The following ZGRF1 variants were observed in gnomAD, a reference collection of about 807,000 sequenced individuals.
ZGRF1 encodes the protein zinc finger GRF-type containing 1, also known as 5'-3' DNA helicase ZGRF1.
ZGRF1 carries 196 observed loss-of-function variants against 203.5 expected under a neutral mutation model. The ratio of observed to expected loss-of-function variants is 0.96; its 90% CI spans 0.86 to 1.08. The LOEUF (loss-of-function observed/expected upper bound fraction) is 1.08, where lower values mean the gene tolerates loss of function less well. ZGRF1 is among the 50% of genes least tolerant of loss of function. The probability of loss-of-function intolerance (pLI) is 0.00; values close to 1 mark genes in which losing one functional copy is unlikely to be tolerated. For synonymous variants in ZGRF1, 809 were observed against 841.3 expected (o/e 0.96, Z 0.66); for missense variants, 2,326 against 2,416.3 (o/e 0.96, Z 0.78).
At chr4:112,594,272 T>C (rs185498841) in intron 10 of ZGRF1, among the ~76,000 whole-genome samples, 5 of 152,320 alleles carry the variant, frequency 3.3e-5, no homozygotes, top group African/African-American at 1.2e-4. Flanking sequence ...ATAGGTACTT[T>C]TGAATTCTTA....
At chr4:112,549,985 G>T (rs981108301) in intron 22 of ZGRF1, among the ~76,000 whole-genome samples, 3 of 152,108 alleles carry the variant, frequency 2.0e-5, no homozygotes, top group African/African-American at 7.2e-5. Context: ...GAGGTCAGGA[G>T]ATCGAGACCA....
intron 19 of ZGRF1, among the ~76,000 whole-genome samples, chr4:112,559,339 C>T (rs533281993): frequency 3.3e-5 from 5 of 152,166 alleles, no homozygotes. Flanking sequence ...GCTGGGACTA[C>T]AGGTGCATGC....
At chr4:112,589,343 G>T (rs1251034697) in intron 11 of ZGRF1, among the ~76,000 whole-genome samples, 1 of 152,090 alleles carries the variant, frequency 6.6e-6, no homozygotes, top group Non-Finnish European at 1.5e-5. Flanking sequence ...GACACTAAAA[G>T]GTTATGCTAA....
chr4:112,560,264 T>C (rs1251058422), intron 19 of ZGRF1, among the ~76,000 whole-genome samples: 1 of 152,074 alleles, frequency 6.6e-6, no homozygotes, highest in African/African-American at 2.4e-5. Flanking sequence ...ATTAGGTAAA[T>C]TGGAGAAGGA....
At chr4:112,592,096 CTTT>C (rs961223953) in intron 10 of ZGRF1, among the ~76,000 whole-genome samples, 1 of 128,556 alleles carries the variant, frequency 7.8e-6, no homozygotes, top group Non-Finnish European at 1.7e-5. Context: ...CTCATTCATT[CTTT>C]TTTTTTTTTT....
chr4:112,603,476 A>C, intron 10 of ZGRF1, 48 bp downstream of exon 10: 1 of 1,359,926 alleles, frequency 7.4e-7, no homozygotes. Context: ...TGTAGTATTA[A>C]CATAAAGAAA....
rs2047424872 is a variant in ZGRF1, at chr4:112,631,930, T to C, written c.102A>G (p.Lys34=). The change falls in exon 3 of 28, where the codon AAA becomes AAG. Residue 34 remains lysine, a splice_region_variant and synonymous_variant. Coordinates refer to ENST00000505019, the MANE Select transcript of ZGRF1 (RefSeq NM_018392.5). ...CTATAGTCAACTGCTTTGTACTCAC[T>C]TTGTTTCCTAAGTGAGTGATCTTCA... ...GILKITHLGN[K]AILYDDKGAC... is the part of the protein sequence containing the mutation. 3 of 1,579,058 alleles carry C rather than the reference T, an allele frequency of 1.9e-6. No homozygotes were observed. The highest frequency in any genetic ancestry group is 1.7e-4 in the Middle Eastern group (1 of 5,938).
intron 22 of ZGRF1, among the ~76,000 whole-genome samples, chr4:112,550,443 A>T (rs1739732414): frequency 6.6e-6 from 1 of 152,202 alleles, no homozygotes; most frequent in Non-Finnish European, 1.5e-5. Context: ...AACAGTTTTT[A>T]AAAATTTTCA....
intron 24 of ZGRF1, among the ~76,000 whole-genome samples, chr4:112,546,252 G>A (rs1738748477): frequency 6.6e-6 from 1 of 152,028 alleles, no homozygotes; most frequent in Non-Finnish European, 1.5e-5. Flanking sequence ...AAGCTATAGG[G>A]AAGAGGAAAT....
At chr4:112,555,076 T>C (rs3736215) in intron 20 of ZGRF1, among the ~76,000 whole-genome samples, 59,456 of 151,960 alleles carry the variant, frequency 0.39, 11,857 homozygotes, top group South Asian at 0.49. Context: ...AGACATAATA[T>C]AGAAAGCAAT....
At chr4:112,590,322 T>C (rs1747938230) in intron 10 of ZGRF1, among the ~76,000 whole-genome samples, 1 of 152,184 alleles carries the variant, frequency 6.6e-6, no homozygotes, top group African/African-American at 2.4e-5. Flanking sequence ...TGAAGTGAAC[T>C]TGTTAAATAC....
chr4:112,579,290 C>A lies in ZGRF1; in HGVS notation c.4438+2373G>T, dbSNP rs1313516854. Among the ~76,000 whole-genome samples the A allele has an allele frequency of 4.9e-5, 6 of 122,576 alleles. 2 individuals carry two copies. Among genetic ancestry groups the A allele is most frequent in the Non-Finnish European group, 1.1e-4 (6 of 54,894 alleles). 80.4% of individuals were successfully genotyped at this position (122,576 alleles called of 152,430 possible). On this transcript the variant is annotated intron_variant, in intron 16 of 27. Transcript: ENST00000505019. ...TGTATCTCAAAATAATAAGAGCTAT[C>A]TATGACAAACCCACAGCCAATATCA...
At chr4:112,631,685 A>C (rs1023056354) in intron 3 of ZGRF1, among the ~76,000 whole-genome samples, 2 of 152,210 alleles carry the variant, frequency 1.3e-5, no homozygotes, top group African/African-American at 4.8e-5. Context: ...AAAAATAAAA[A>C]TAAATAACAA....
chr4:112,603,654 C>T lies in ZGRF1; in HGVS notation c.2846G>A (p.Ser949Asn), dbSNP rs552645281. 6.2e-7 allele frequency: 1 copy of T among 1,614,056 alleles called. No homozygotes were observed. Among genetic ancestry groups the T allele is most frequent in the African/African-American group, 1.3e-5 (1 of 75,074 alleles). ...QGHQVKGSAT[S>N]GVMVRGHSSQ... ...GCTGTGTCCTCTGACCATTACACCACTAGTAGCTGATCCTTTTACTTGATG... is the reference window on the plus strand; with the variant it reads ...GCTGTGTCCTCTGACCATTACACCATTAGTAGCTGATCCTTTTACTTGATG... The change falls in exon 10 of 28, where the codon AGT becomes AAT. Residue 949 changes from serine to asparagine, a missense_variant. Ser to Asn is a conservative substitution (Grantham distance 46). Coordinates refer to ENST00000505019, the MANE Select transcript of ZGRF1 (RefSeq NM_018392.5).
rs146946369 is a variant in ZGRF1, at chr4:112,617,656, G to C, written c.2386C>G (p.Pro796Ala). 4 of 1,613,816 alleles carry C rather than the reference G, an allele frequency of 2.5e-6. No homozygotes were observed. The African/African-American group carries it at 4.0e-5, about 16-fold the overall frequency. Reference sequence around the variant, plus strand: ...GCAGTTTCAACCTCAACATGGTCAGGGGGTGGACTTCTAATCTTTCCCAAA... The same window carrying C: ...GCAGTTTCAACCTCAACATGGTCAGCGGGTGGACTTCTAATCTTTCCCAAA... Reference protein sequence around the residue: ...EDLGKIRSPPPDHVEVETARE... With the variant: ...EDLGKIRSPPADHVEVETARE... Residue 796 changes from proline to alanine, a missense_variant, in exon 6 of 28, where the codon CCT becomes GCT. Coordinates refer to ENST00000505019, the MANE Select transcript of ZGRF1 (RefSeq NM_018392.5).
At position 112,587,670 on chromosome 4, in the gene ZGRF1, T is replaced by C. The variant is rs374258858; in HGVS notation, c.3387A>G (p.Glu1129=). 4.5e-5 allele frequency: 72 copies of C among 1,613,224 alleles called. No individual in the cohort carries two copies. In the South Asian group the frequency reaches 6.6e-4, roughly 15 times the overall value. ...NETFFSEESR[E]VNPGDVSLNN... ...TAAGTGAAACATCCCCTGGATTCAC[T>C]TCCCTAGATTCTTCAGAGAAAAAGG... Residue 1129 remains glutamate, a synonymous_variant, in exon 12 of 28, where the codon GAA becomes GAG. Transcript: ENST00000505019.
intron 4 of ZGRF1, among the ~76,000 whole-genome samples, chr4:112,622,035 A>C: frequency 6.6e-6 from 1 of 151,754 alleles, no homozygotes; most frequent in East Asian, 2.0e-4. Context: ...GCCTGAAATG[A>C]TTTTTAAGAT....
At position 112,587,518 on chromosome 4, in the gene ZGRF1, T is replaced by G. The variant is rs773752919; in HGVS notation, c.3539A>C (p.His1180Pro). Residue 1180 changes from histidine to proline, a missense_variant, in exon 12 of 28, where the codon CAT (histidine) becomes CCT (proline). His to Pro is a moderately conservative substitution (Grantham distance 77). Coordinates refer to ENST00000505019, the MANE Select transcript of ZGRF1 (RefSeq NM_018392.5). The stretch of plus-strand genomic sequence containing the variant: ...CTGTCTTTCACTTGTGTCTCTAAAA[T>G]GCATCCCAGAAACAGCCTCAGCAAA... The part of the protein sequence containing the change: ...GFFAEAVSGM[H>P]FRDTSERQSD... 6.2e-7 allele frequency: 1 copy of G among 1,613,962 alleles called. No individual in the cohort carries two copies. Among genetic ancestry groups the G allele is most frequent in the Non-Finnish European group, 8.5e-7 (1 of 1,179,858 alleles).
Position 112,619,483 on chromosome 4 carries a change from T to A in ZGRF1, c.559A>T (p.Arg187Ter). The stretch of plus-strand genomic sequence containing the variant: ...ACCGAAGAAAAATCCATGGCATTTC[T>A]CTCCCTGTTCTTGTAAGTCACAATG... ...ENIVTYKNRE[R>*]NAMDFSSVFS... The change falls in exon 6 of 28, where the codon AGA becomes TGA. Residue 187 changes from arginine (R) to a stop codon, truncating the protein, a stop_gained. Coordinates refer to ENST00000505019, the MANE Select transcript of ZGRF1 (RefSeq NM_018392.5). LOFTEE classifies it high-confidence loss of function. The A allele has an allele frequency of 6.2e-7, 1 of 1,612,620 alleles. No homozygotes were observed. The highest frequency in any genetic ancestry group is 8.5e-7 in the Non-Finnish European group (1 of 1,179,228).
Sources: gnomAD v4.1 joint callset for allele counts (sites outside exome capture counted in the v4.1 genomes callset) on GRCh38, gnomAD v4.1.1 for gene constraint, MANE v1.5 for transcripts, NCBI Gene and HGNC (gene_info 2026-07-23, HGNC 2026-07-21) for gene names.